The following SMIM35 variants were observed in gnomAD, a reference collection of about 807,000 sequenced individuals.
SMIM35 encodes TMPRSS4 antisense RNA 1 (non-protein coding).
intron 1 of SMIM35, among the ~76,000 whole-genome samples, chr11:118,032,768 C>T (rs926278875): frequency 1.3e-5 from 2 of 151,962 alleles, no homozygotes; most frequent in South Asian, 2.1e-4. Context: ...ATTATCCAGG[C>T]GTGGTGGCAG....
At chr11:118,078,385 C>T (rs1354828412) in intron 1 of SMIM35, among the ~76,000 whole-genome samples, 2 of 152,004 alleles carry the variant, frequency 1.3e-5, no homozygotes, top group African/African-American at 4.8e-5. Flanking sequence ...AAGGGTGTGA[C>T]CTGCAGGGGC....
intron 1 of SMIM35, among the ~76,000 whole-genome samples, chr11:118,084,762 C>T (rs951072798): frequency 1.3e-5 from 2 of 152,212 alleles, no homozygotes; most frequent in Non-Finnish European, 2.9e-5. Context: ...ATAATTCTCA[C>T]CAACAACCCT....
chr11:118,038,912 G>T (rs946812696), intron 1 of SMIM35, among the ~76,000 whole-genome samples: 2 of 152,126 alleles, frequency 1.3e-5, no homozygotes. Flanking sequence ...TGTGTGGCTG[G>T]ATTACATGCA....
rs530191085 is a variant in SMIM35, at chr11:118,053,127, G to A, written c.7+33624C>T. ...TCAAGACCAGCCTGGCCAACATGGT[G>A]AAACCCCCATCTCGACTAAAAATAC... is the stretch of plus-strand genomic sequence containing the variant. On this transcript the variant is annotated intron_variant, in intron 1 of 4. Coordinates refer to ENST00000689828, the MANE Select transcript of SMIM35 (RefSeq NM_001394165.1). 1.5e-4 allele frequency among the ~76,000 whole-genome samples: 23 copies of A among 152,296 alleles called. No homozygotes were observed. In the South Asian group the frequency reaches 4.8e-3, roughly 32 times the overall value.
intron 1 of SMIM35, among the ~76,000 whole-genome samples, chr11:118,021,982 A>G (rs1385583324): frequency 1.3e-5 from 2 of 151,764 alleles, no homozygotes; most frequent in African/African-American, 2.4e-5. Context: ...TCAAGTATAT[A>G]TGGAGCATTC....
intron 1 of SMIM35, among the ~76,000 whole-genome samples, chr11:118,026,567 T>C (rs1591282919): frequency 6.6e-6 from 1 of 152,328 alleles, no homozygotes; most frequent in East Asian, 1.9e-4. Context: ...AATTAATATA[T>C]TCTAATTACT....
chr11:118,073,067 T>G (rs959234804), intron 1 of SMIM35, among the ~76,000 whole-genome samples: 2 of 152,128 alleles, frequency 1.3e-5, no homozygotes, highest in Admixed American at 6.5e-5. Context: ...ACAGGCACCC[T>G]CCACCACGCC....
intron 1 of SMIM35, among the ~76,000 whole-genome samples, chr11:118,061,605 A>T (rs1944396816): frequency 6.6e-6 from 1 of 152,064 alleles, no homozygotes; most frequent in Admixed American, 6.6e-5. Flanking sequence ...AGCCCTGGGA[A>T]AACCTCACAG....
intron 4 of SMIM35, among the ~76,000 whole-genome samples, chr11:118,011,560 C>T (rs1238079569): frequency 6.6e-6 from 1 of 152,054 alleles, no homozygotes; most frequent in Non-Finnish European, 1.5e-5. Context: ...GGCATGATGG[C>T]GCACACCTGT....
chr11:118,027,923 C>T (rs1440041218), intron 1 of SMIM35, among the ~76,000 whole-genome samples: 3 of 152,298 alleles, frequency 2.0e-5, no homozygotes, highest in East Asian at 1.9e-4. Context: ...CATGTGGATC[C>T]GTAACCATGT....
intron 1 of SMIM35, among the ~76,000 whole-genome samples, chr11:118,060,656 C>A (rs964134566): frequency 1.3e-5 from 2 of 152,050 alleles, no homozygotes; most frequent in African/African-American, 4.8e-5. Context: ...GGGAGAGCAA[C>A]TGCAAATGGC....
chr11:118,011,734 G>A (rs1232192653), intron 4 of SMIM35, among the ~76,000 whole-genome samples: 1 of 152,110 alleles, frequency 6.6e-6, no homozygotes, highest in Non-Finnish European at 1.5e-5. Context: ...CCAAACCTCA[G>A]GGGTTAGGAA....
At chr11:118,057,451 G>A (rs1944331452) in intron 1 of SMIM35, among the ~76,000 whole-genome samples, 1 of 152,162 alleles carries the variant, frequency 6.6e-6, no homozygotes, top group African/African-American at 2.4e-5. Context: ...AGCCACTGTG[G>A]GGAAAGAACT....
intron 1 of SMIM35, among the ~76,000 whole-genome samples, chr11:118,047,253 A>G (rs1489080789): frequency 6.6e-6 from 1 of 152,244 alleles, no homozygotes; most frequent in African/African-American, 2.4e-5. Context: ...GTGGTCTGTG[A>G]CATGGATTTA....
intron 1 of SMIM35, chr11:118,029,857 C>T: frequency 2.2e-6 from 1 of 453,218 alleles, no homozygotes; most frequent in Non-Finnish European, 4.4e-6. Context: ...GCATCTGCCT[C>T]CTGCATTGCT....
At chr11:118,081,147 A>G (rs565206106) in intron 1 of SMIM35, among the ~76,000 whole-genome samples, 1 of 152,296 alleles carries the variant, frequency 6.6e-6, no homozygotes, top group Admixed American at 6.5e-5. Context: ...TAAATAATCA[A>G]AGACAGAATC....
At chr11:118,080,069 T>C (rs1945006301) in intron 1 of SMIM35, among the ~76,000 whole-genome samples, 1 of 152,058 alleles carries the variant, frequency 6.6e-6, no homozygotes, top group African/African-American at 2.4e-5. Context: ...TTGGCCAGCC[T>C]CTAAATGGGG....
At chr11:118,051,108 G>C (rs1168641715) in intron 1 of SMIM35, among the ~76,000 whole-genome samples, 1 of 152,238 alleles carries the variant, frequency 6.6e-6, no homozygotes, top group Non-Finnish European at 1.5e-5. Flanking sequence ...GCCAAGAAAG[G>C]ACCAGTGGAT....
chr11:118,080,005 TC>T (rs1046492153), intron 1 of SMIM35, among the ~76,000 whole-genome samples: 16 of 150,964 alleles, frequency 1.1e-4, no homozygotes, highest in African/African-American at 2.4e-4. Context: ...CTGTAACCAC[TC>T]CCCCCCCACC....
Sources: allele counts gnomAD v4.1 joint callset (sites outside exome capture counted in the v4.1 genomes callset), GRCh38; gene constraint gnomAD v4.1.1; transcripts MANE v1.5; gene names NCBI Gene and HGNC (gene_info 2026-07-23, HGNC 2026-07-21).